The following SP140 variants were observed in gnomAD, a reference collection of about 807,000 sequenced individuals.
The protein encoded by SP140 is nuclear body protein SP140.
Under a neutral mutation model 125.0 loss-of-function variants are expected in SP140, and 81 were observed. The observed-to-expected ratio is 0.65, with a 90% CI of 0.54 to 0.78. SP140 has a LOEUF of 0.78. Ranked by LOEUF, SP140 falls within the 30% of genes least tolerant of loss-of-function variation. SP140 has a pLI of 0.00. For missense variants in SP140, 858 were observed against 1,037.0 expected (o/e 0.83, Z 2.37); for synonymous variants, 312 against 354.0 (o/e 0.88, Z 1.33).
the SP140 span, among the ~76,000 whole-genome samples, chr2:230,189,389 A>C: frequency 1.3e-5 from 2 of 152,074 alleles, no homozygotes; most frequent in African/African-American, 4.8e-5. Context: ...TGTCACTGTT[A>C]CCATTCATTT....
At chr2:230,220,515 T>C (rs889803920) in intron 3 of SP140, among the ~76,000 whole-genome samples, 2 of 152,134 alleles carry the variant, frequency 1.3e-5, no homozygotes, top group South Asian at 4.1e-4. Flanking sequence ...TGAACTGGAA[T>C]TGTGCAGAGG....
intron 18 of SP140, among the ~76,000 whole-genome samples, chr2:230,289,909 T>C (rs1259593358): frequency 1.3e-5 from 2 of 152,224 alleles, no homozygotes; most frequent in Non-Finnish European, 2.9e-5. Context: ...CAGATTATTC[T>C]AGAGCTCCCT....
chr2:230,284,293 G>A (rs1275260537), intron 15 of SP140, 53 bp from the exon 16 acceptor site: 1 of 1,511,162 alleles, frequency 6.6e-7, no homozygotes, highest in Non-Finnish European at 8.9e-7. Flanking sequence ...ATAAAACTCA[G>A]AGAATTATAT....
At chr2:230,278,875 A>G (rs1433754130) in intron 15 of SP140, among the ~76,000 whole-genome samples, 1 of 152,104 alleles carries the variant, frequency 6.6e-6, no homozygotes, top group Non-Finnish European at 1.5e-5. Flanking sequence ...AAGAAAAGGC[A>G]TCCAAATTGG....
In SP140 at chr2:230,247,943, C is replaced by T. The variant is rs755498259; in HGVS notation, c.770C>T (p.Ala257Val). The T allele has an allele frequency of 3.4e-5, 55 of 1,613,212 alleles. No homozygotes were observed. Among genetic ancestry groups the T allele is most frequent in the South Asian group, 1.3e-4 (12 of 91,018 alleles). The change falls in exon 8 of 27, where the codon GCG (alanine) becomes GTG (valine). Residue 257 changes from alanine (A) to valine (V), a missense_variant. By Grantham distance (64) the Ala-to-Val change is moderately conservative. Around this residue, in one of 4 missense-constraint regions of SP140, gnomAD observed 791 missense variants for 869.5 expected, o/e 0.91. Transcript: ENST00000392045. ...EVLESNGMID[A>V]ARTYSTAPGE... ...CTAGAAAGCAACGGGATGATAGATG[C>T]GGCAAGGACATACAGCACAGCACCA...
At chr2:230,187,932 T>C in the SP140 span, among the ~76,000 whole-genome samples, 1 of 152,352 alleles carries the variant, frequency 6.6e-6, no homozygotes, top group Admixed American at 6.5e-5. Context: ...ATGTGATGCC[T>C]CCAGATTTGT....
chr2:230,274,102 C>A (rs1234787663), intron 15 of SP140, among the ~76,000 whole-genome samples: 4 of 133,530 alleles, frequency 3.0e-5, no homozygotes, highest in Admixed American at 7.4e-5. Flanking sequence ...TATCCTTGAA[C>A]TTAAAGTATA....
upstream of SP140, among the ~76,000 whole-genome samples, chr2:230,224,253 G>A (rs1191667849): frequency 2.0e-5 from 3 of 152,174 alleles, no homozygotes; most frequent in African/African-American, 4.8e-5. Context: ...AAAATGTCCA[G>A]TTCATTGGTG....
At position 230,309,912 on chromosome 2, in the gene SP140, T is replaced by G; in HGVS notation, c.2059-12T>G. The G allele has an allele frequency of 6.2e-7, 1 of 1,613,160 alleles. No individual in the cohort carries two copies. Among genetic ancestry groups the G allele is most frequent in the South Asian group, 1.1e-5 (1 of 91,020 alleles). ...CGGTTCCCAGTGACGTGGACACTGT[T>G]TTATCTTCTAGATGAGAAACCTGGA... On this transcript the variant is annotated splice_polypyrimidine_tract_variant and intron_variant, in intron 22 of 26. Coordinates refer to ENST00000392045, the MANE Select transcript of SP140 (RefSeq NM_007237.5).
At chr2:230,253,291 C>G in intron 10 of SP140, 25 bp from the exon 11 acceptor site, 1 of 1,534,896 alleles carries the variant, frequency 6.5e-7, no homozygotes, top group Non-Finnish European at 9.0e-7. Context: ...GGTCTGTGTC[C>G]AAGTCACCCT....
chr2:230,244,042 C>G (rs2049072138), intron 5 of SP140, among the ~76,000 whole-genome samples: 1 of 152,114 alleles, frequency 6.6e-6, no homozygotes, highest in South Asian at 2.1e-4. Context: ...TTGATTATAC[C>G]TACCCACCAC....
intron 3 of SP140, chr2:230,219,806 C>T (rs2045638825): frequency 7.3e-6 from 4 of 547,500 alleles, no homozygotes; most frequent in Non-Finnish European, 7.0e-6. Flanking sequence ...CAGCTGCTGC[C>T]GCGAAGTTAA....
At chr2:230,284,254 T>C (rs2056051700) in intron 15 of SP140, 92 bp from the exon 16 acceptor site, 1 of 1,282,760 alleles carries the variant, frequency 7.8e-7, no homozygotes, top group Non-Finnish European at 1.1e-6. Context: ...GACCAAAGTA[T>C]GAAAAAAAAT....
chr2:230,201,011 G>A, upstream of SP140: 1 of 1,452,540 alleles, frequency 6.9e-7, no homozygotes, highest in Non-Finnish European at 9.7e-7. Flanking sequence ...GAAACACCAT[G>A]GAGAATCTCC....
chr2:230,284,022 CA>C (rs1392661179), intron 15 of SP140, among the ~76,000 whole-genome samples: 2 of 152,144 alleles, frequency 1.3e-5, no homozygotes, highest in Non-Finnish European at 1.5e-5. Context: ...TTTGAATTTA[CA>C]CAACAAACAC....
downstream of SP140, among the ~76,000 whole-genome samples, chr2:230,315,934 A>G (rs895894712): frequency 6.6e-6 from 1 of 152,234 alleles, no homozygotes; most frequent in African/African-American, 2.4e-5. Context: ...GCACAGCCTT[A>G]GCAAGTGATA....
At chr2:230,207,145 GT>G (rs973095932) in intron 1 of SP140, among the ~76,000 whole-genome samples, 1 of 152,110 alleles carries the variant, frequency 6.6e-6, no homozygotes, top group Non-Finnish European at 1.5e-5. Flanking sequence ...AAGCAGCAAA[GT>G]TTTTTCTTTT....
At chr2:230,187,847 C>T in the SP140 span, among the ~76,000 whole-genome samples, 2 of 152,084 alleles carry the variant, frequency 1.3e-5, no homozygotes, top group Non-Finnish European at 2.9e-5. Flanking sequence ...TTCCATTGGT[C>T]GATGTATCTA....
In SP140 at chr2:230,245,186, G is replaced by T. The variant is rs1222624104; in HGVS notation, c.664+106G>T. 7 of 727,962 alleles carry T rather than the reference G, an allele frequency of 9.6e-6. No individual in the cohort carries two copies. In the African/African-American group the frequency reaches 1.2e-4, roughly 13 times the overall value. The allele number at this position is 727,962 out of a possible 1,614,324, so 45.1% of individuals were successfully genotyped here. ...ACCACCAACCCTGTAACACACTTTT[G>T]TTCAGCCTGTGGTTGTTTTCCCCAG... On this transcript the variant is annotated intron_variant, in intron 6 of 26. Transcript: ENST00000392045.
Sources: allele counts gnomAD v4.1 joint callset (sites outside exome capture counted in the v4.1 genomes callset), GRCh38; gene constraint gnomAD v4.1.1; regional missense constraint gnomAD v4.1.1; transcripts MANE v1.5; gene names NCBI Gene and HGNC (gene_info 2026-07-23, HGNC 2026-07-21).